The following SRBD1 variants were observed in gnomAD, a reference collection of about 807,000 sequenced individuals.
SRBD1 encodes S1 RNA-binding domain-containing protein 1.
SRBD1 carries 88 observed loss-of-function variants against 115.3 expected under a neutral mutation model. The observed-to-expected ratio is 0.76, with a 90% CI of 0.64 to 0.91. The LOEUF is 0.91. SRBD1 is among the 40% of genes least tolerant of loss of function. The pLI is 0.00. For missense variants in SRBD1, 1,385 were observed against 1,177.4 expected, an observed-to-expected ratio of 1.18 and a Z score of -2.58; for synonymous variants, 509 against 407.7, an observed-to-expected ratio of 1.25 and a Z score of -2.99.
chr2:45,571,286 TG>T (rs1673000611), intron 9 of SRBD1, among the ~76,000 whole-genome samples: 1 of 152,088 alleles, frequency 6.6e-6, no homozygotes, highest in African/African-American at 2.4e-5. Flanking sequence ...ATTTTGTTTT[TG>T]TTTTTGGCTC....
chr2:45,543,531 G>C (rs1377374046), intron 14 of SRBD1, among the ~76,000 whole-genome samples: 2 of 152,236 alleles, frequency 1.3e-5, no homozygotes, highest in Non-Finnish European at 2.9e-5. Flanking sequence ...TAACCTATCA[G>C]ATTATCTGTT....
At chr2:45,433,032 C>G (rs1052338019) in intron 16 of SRBD1, among the ~76,000 whole-genome samples, 1 of 152,172 alleles carries the variant, frequency 6.6e-6, no homozygotes, top group Non-Finnish European at 1.5e-5. Flanking sequence ...AACAAAATTT[C>G]ACTTTACATT....
chr2:45,477,788 T>G (rs1182970962), intron 15 of SRBD1, among the ~76,000 whole-genome samples: 1 of 152,206 alleles, frequency 6.6e-6, no homozygotes, highest in Non-Finnish European at 1.5e-5. Context: ...TGAATATGAC[T>G]GCAAGATTGC....
chr2:45,419,705 T>C, intron 17 of SRBD1, 83 bp downstream of exon 17: 9 of 1,185,896 alleles, frequency 7.6e-6, no homozygotes, highest in Non-Finnish European at 1.0e-5. Context: ...TTTATACACG[T>C]GTTCCCTTCT....
At chr2:45,405,124 T>C (rs1376135868) in intron 19 of SRBD1, among the ~76,000 whole-genome samples, 1 of 152,210 alleles carries the variant, frequency 6.6e-6, no homozygotes, top group Non-Finnish European at 1.5e-5. Flanking sequence ...TTTATCACAC[T>C]GTATAATTTA....
chr2:45,521,502 A>G (rs1671282946), intron 14 of SRBD1, among the ~76,000 whole-genome samples: 1 of 152,188 alleles, frequency 6.6e-6, no homozygotes, highest in Non-Finnish European at 1.5e-5. Flanking sequence ...AGAGAAAATA[A>G]TAAGTGCTGA....
At position 45,459,273 on chromosome 2, in the gene SRBD1, T is replaced by G. The variant is rs1163788637; in HGVS notation, c.2049+17720A>C. The stretch of plus-strand genomic sequence containing the variant: ...GTGTACTTTCCAATTCAACTTTAAA[T>G]GCCTATCTTTCCCTGTGCAACACGT... On this transcript the variant is annotated intron_variant, in intron 16 of 20. Transcript: ENST00000263736. 7.9e-5 allele frequency among the ~76,000 whole-genome samples: 12 copies of G among 152,200 alleles called. No individual in the cohort carries two copies. The East Asian group carries it at 2.3e-3, about 29-fold the overall frequency.
rs557805551 is a variant in SRBD1 at position 45,389,300 on chromosome 2, C to T, written c.*10G>A. 9.3e-6 allele frequency: 15 copies of T among 1,607,254 alleles called. No homozygotes were observed. The highest frequency in any genetic ancestry group is 1.3e-5 in the African/African-American group (1 of 74,532). Reference sequence around the variant, plus strand: ...GAAAATAAAATCAGCGTCTGGCCTTCGTGGGATACTCATAACACCCGAATG... The same window carrying T: ...GAAAATAAAATCAGCGTCTGGCCTTTGTGGGATACTCATAACACCCGAATG... On this transcript the variant is annotated 3_prime_UTR_variant, in exon 21 of 21. Transcript: ENST00000263736.
chr2:45,395,157 T>C (rs557126189), intron 19 of SRBD1, among the ~76,000 whole-genome samples: 2 of 152,352 alleles, frequency 1.3e-5, no homozygotes, highest in East Asian at 1.9e-4. Flanking sequence ...CTTGGTTTTA[T>C]TGGTCTGCAA....
chr2:45,546,788 A>G lies in SRBD1; in HGVS notation c.1818T>C (p.Ala606=). ...TCTTCATTATCAGGTCAGCAAAGTA[A>G]GCTTCTGTTTCCCTGCAGGCAGTTC... ...GNGTACRETE[A]YFADLIMKNY... The change falls in exon 14 of 21, where the codon GCT becomes GCC. Residue 606 remains alanine, a synonymous_variant. Coordinates refer to ENST00000263736, the MANE Select transcript of SRBD1 (RefSeq NM_018079.5). 6.2e-7 allele frequency: 1 copy of G among 1,614,170 alleles called. No homozygotes were observed. The highest frequency in any genetic ancestry group is 8.5e-7 in the Non-Finnish European group (1 of 1,180,012).
intron 14 of SRBD1, among the ~76,000 whole-genome samples, chr2:45,507,608 C>G (rs994603802): frequency 6.6e-6 from 1 of 151,788 alleles, no homozygotes; most frequent in African/African-American, 2.4e-5. Flanking sequence ...ATAATCCCAG[C>G]TACTCAAGAG....
At chr2:45,556,612 G>A (rs1468941444) in intron 10 of SRBD1, among the ~76,000 whole-genome samples, 2 of 151,724 alleles carry the variant, frequency 1.3e-5, no homozygotes, top group Non-Finnish European at 2.9e-5. Flanking sequence ...ACAGACGTGC[G>A]CCATCCCGCC....
chr2:45,473,703 A>AAAC (rs1454671287), intron 16 of SRBD1, among the ~76,000 whole-genome samples: 2 of 132,520 alleles, frequency 1.5e-5, no homozygotes, highest in African/African-American at 5.0e-5. Flanking sequence ...CTTTGCAGAT[A>AAAC]AACTGTTTGC....
At chr2:45,534,771 T>C (rs926656598) in intron 14 of SRBD1, among the ~76,000 whole-genome samples, 1 of 151,994 alleles carries the variant, frequency 6.6e-6, no homozygotes, top group African/African-American at 2.4e-5. Flanking sequence ...CATAACATTA[T>C]GAACTTACAT....
In SRBD1 at chr2:45,490,409, A is replaced by G. The variant is rs757495498; in HGVS notation, c.1875-2078T>C. On this transcript the variant is annotated intron_variant, in intron 14 of 20. Transcript: ENST00000263736. ...TTCGTGACCCCCAAAAAGGTTAAGA[A>G]ACACTACTACAGGATAAGAATATTT... 2.6e-4 allele frequency among the ~76,000 whole-genome samples: 40 copies of G among 152,268 alleles called. No individual in the cohort carries two copies. The Middle Eastern group carries it at 0.014, about 52-fold the overall frequency.
In SRBD1 at chr2:45,601,971, G is replaced by A. The variant is rs772736270; in HGVS notation, c.193C>T (p.Pro65Ser). Residue 65 changes from proline (P) to serine (S), a missense_variant, in exon 3 of 21, where the codon CCT (proline) becomes TCT (serine). Physicochemically the swap from Pro to Ser is moderately conservative, Grantham distance 74 (BLOSUM62 -1). Transcript: ENST00000263736. ...TGTGGGGCATTCTTCTTCACCCGAG[G>A]CATCCTCTTTGGTTTGGATTCCTTG... is the stretch of plus-strand genomic sequence containing the variant. ...PPKESKPKRM[P>S]RVKKNAPQIS... 4 of 1,614,198 alleles carry A rather than the reference G, an allele frequency of 2.5e-6. No homozygotes were observed. The highest frequency in any genetic ancestry group is 2.5e-6 in the Non-Finnish European group (3 of 1,180,036).
At chr2:45,402,494 T>G (rs577675552) in intron 19 of SRBD1, among the ~76,000 whole-genome samples, 1 of 152,170 alleles carries the variant, frequency 6.6e-6, no homozygotes, top group East Asian at 1.9e-4. Flanking sequence ...ATACAAATCA[T>G]TCCTTGACAT....
chr2:45,540,351 A>C (rs1671894833), intron 14 of SRBD1, among the ~76,000 whole-genome samples: 2 of 152,014 alleles, frequency 1.3e-5, no homozygotes, highest in Non-Finnish European at 2.9e-5. Flanking sequence ...AAAAAAAAAA[A>C]AAAAAAATTA....
At chr2:45,588,374 C>T (rs774963124) in intron 4 of SRBD1, among the ~76,000 whole-genome samples, 22 of 152,186 alleles carry the variant, frequency 1.4e-4, no homozygotes, top group Non-Finnish European at 3.1e-4. Flanking sequence ...TCTTAAGAGG[C>T]CTTCATGAGG....
Sources: allele counts gnomAD v4.1 joint callset (sites outside exome capture counted in the v4.1 genomes callset), GRCh38; gene constraint gnomAD v4.1.1; transcripts MANE v1.5; gene names NCBI Gene and HGNC (gene_info 2026-07-23, HGNC 2026-07-21).